CDH23: variants seen among roughly 807,000 people sequenced by gnomAD.
The protein encoded by CDH23 is cadherin-23.
CDH23 carries 189 observed loss-of-function variants against 317.1 expected under a neutral mutation model. That is an observed-to-expected ratio of 0.60 (90% confidence interval 0.53 to 0.67). CDH23 has a LOEUF of 0.67. CDH23 is among the 30% of genes least tolerant of loss of function. The pLI is 0.00. For synonymous variants in CDH23, 1,839 were observed against 1,876.8 expected (o/e 0.98, Z 0.52); for missense variants, 4,401 against 4,592.4 (o/e 0.96, Z 1.20).
At chr10:71,580,350 A>C (rs895565866) in intron 9 of CDH23, among the ~76,000 whole-genome samples, 26 of 152,238 alleles carry the variant, frequency 1.7e-4, no homozygotes, top group African/African-American at 6.3e-4. Flanking sequence ...AGGGAGACCC[A>C]GGATTTGAAA....
At chr10:71,569,487 C>T (rs1025487183) in intron 7 of CDH23, among the ~76,000 whole-genome samples, 1 of 152,220 alleles carries the variant, frequency 6.6e-6, no homozygotes, top group East Asian at 1.9e-4. Flanking sequence ...TTCACTTGAG[C>T]CCCTTCATCT....
Position 71,679,443 on chromosome 10 carries a change from A to C in CDH23, c.1809A>C (p.Ala603=). ...NNQITYSIVS[A]SAFGSYFDIS... ...AGATCACCTACAGCATTGTCAGTGCATCTGCCTTTGGCAGCTACTTCGACA... is the reference window on the plus strand; with the variant it reads ...AGATCACCTACAGCATTGTCAGTGCCTCTGCCTTTGGCAGCTACTTCGACA... The change falls in exon 17 of 70, where the codon GCA becomes GCC. Residue 603 remains alanine, a synonymous_variant. Coordinates refer to ENST00000224721, the MANE Select transcript of CDH23 (RefSeq NM_022124.6). 1 of 1,613,644 alleles carries C rather than the reference A, an allele frequency of 6.2e-7. No individual in the cohort carries two copies. The highest frequency in any genetic ancestry group is 8.5e-7 in the Non-Finnish European group (1 of 1,179,728).
chr10:71,799,992 A>G (rs1231237298), intron 52 of CDH23, among the ~76,000 whole-genome samples: 4 of 152,252 alleles, frequency 2.6e-5, no homozygotes, highest in African/African-American at 7.2e-5. Flanking sequence ...AAGTGGGCAC[A>G]GTGTCTGAGC....
rs117016832 is a variant in CDH23 at position 71,439,711 on chromosome 10, C to T, written c.-5-116C>T. The T allele has an allele frequency of 7.6e-3, 5,397 of 709,644 alleles. 35 individuals carry two copies. Among genetic ancestry groups the T allele is most frequent in the Middle Eastern group, 0.018 (75 of 4,146 alleles). The allele number at this position is 709,644 out of a possible 1,614,324, so 44.0% of individuals were successfully genotyped here. ...AACCCTCCATCTGGGTTGATTCCTTCTCCTCCCTTCCCAGCCCCAGTTCTC... is the reference window on the plus strand; with the variant it reads ...AACCCTCCATCTGGGTTGATTCCTTTTCCTCCCTTCCCAGCCCCAGTTCTC... On this transcript the variant is annotated intron_variant, in intron 1 of 69. Coordinates refer to ENST00000224721, the MANE Select transcript of CDH23 (RefSeq NM_022124.6).
In CDH23 at chr10:71,569,550, C is replaced by T. The variant is rs566774818; in HGVS notation, c.625-1240C>T. On this transcript the variant is annotated intron_variant, in intron 7 of 69. Transcript: ENST00000224721. ...GGGAAAAAGAACTCATTTGAGGTTA[C>T]TCAGCAAATTAAGAGACCGAACTGA... is the stretch of plus-strand genomic sequence containing the variant. Among the ~76,000 whole-genome samples, 179 of 152,336 alleles carry T rather than the reference C, an allele frequency of 1.2e-3. 5 individuals are homozygous for T. The South Asian group carries it at 0.035, about 30-fold the overall frequency.
chr10:71,510,303 T>G (rs1179844934), intron 4 of CDH23, 79 bp downstream of exon 4: 1 of 1,511,730 alleles, frequency 6.6e-7, no homozygotes, highest in African/African-American at 1.4e-5. Context: ...GCCCGCCATC[T>G]TTTGGCGTCT....
Position 71,751,246 on chromosome 10 carries a change from A to G in CDH23, c.4845+9325A>G. On this transcript the variant is annotated intron_variant, in intron 38 of 69. Coordinates refer to ENST00000224721, the MANE Select transcript of CDH23 (RefSeq NM_022124.6). This position sits in a 1 kb window ranked among gnomAD's most constrained non-coding sequence, Gnocchi z 4.9. ...CAGCCACAACAGCCCACTGTCCCCC[A>G]GCTGGGCTAGATGACCTCAAAGTTT... is the stretch of plus-strand genomic sequence containing the variant. 1 of 1,607,628 alleles carries G rather than the reference A, an allele frequency of 6.2e-7. No individual in the cohort carries two copies. Among genetic ancestry groups the G allele is most frequent in the South Asian group, 1.1e-5 (1 of 89,866 alleles).
chr10:71,662,967 C>T (rs1027048334), intron 14 of CDH23, among the ~76,000 whole-genome samples: 2 of 152,240 alleles, frequency 1.3e-5, no homozygotes, highest in Admixed American at 6.5e-5. Flanking sequence ...GGGCCTGTGG[C>T]TGCAGAACTC....
At chr10:71,561,131 T>A (rs1857108373) in intron 6 of CDH23, among the ~76,000 whole-genome samples, 1 of 152,120 alleles carries the variant, frequency 6.6e-6, no homozygotes, top group Non-Finnish European at 1.5e-5. Context: ...CTAGAATGTC[T>A]CTTTTTTTTC....
chr10:71,744,472 G>A (rs1208406566), intron 38 of CDH23, among the ~76,000 whole-genome samples: 4 of 152,232 alleles, frequency 2.6e-5, no homozygotes, highest in Admixed American at 2.0e-4. Context: ...CACCCAGAAT[G>A]CATGGGCCAC....
chr10:71,474,061 C>G (rs1458979644), intron 3 of CDH23, among the ~76,000 whole-genome samples: 1 of 152,208 alleles, frequency 6.6e-6, no homozygotes, highest in Non-Finnish European at 1.5e-5. Flanking sequence ...TGGCACTGCT[C>G]TCATGCCAGG....
At chr10:71,436,672 G>A (rs963973997) in intron 1 of CDH23, among the ~76,000 whole-genome samples, 12 of 152,264 alleles carry the variant, frequency 7.9e-5, no homozygotes, top group African/African-American at 2.9e-4. Flanking sequence ...TTGGCCTGTG[G>A]GATTGCCTAA....
intron 53 of CDH23, among the ~76,000 whole-genome samples, chr10:71,801,018 C>A (rs1446921927): frequency 5.9e-5 from 9 of 152,180 alleles, no homozygotes; most frequent in Non-Finnish European, 1.3e-4. Flanking sequence ...GCTAAACATA[C>A]CTGGGTGTAA....
At chr10:71,737,717 C>A (rs1461174363) in intron 34 of CDH23, 3 of 470,906 alleles carry the variant, frequency 6.4e-6, no homozygotes, top group Non-Finnish European at 1.3e-5. Flanking sequence ...CATCAGTGAA[C>A]CCCTGGGTAC....
chr10:71,791,385 G>A (rs191511815), intron 47 of CDH23, 50 bp downstream of exon 47: 20 of 1,524,748 alleles, frequency 1.3e-5, no homozygotes, highest in Non-Finnish European at 1.7e-5. Flanking sequence ...CCGGTTGGTG[G>A]TCACAGGGGA....
intron 14 of CDH23, among the ~76,000 whole-genome samples, chr10:71,653,124 C>G (rs1863255657): frequency 6.6e-6 from 1 of 152,140 alleles, no homozygotes; most frequent in African/African-American, 2.4e-5. Context: ...AGCTAACTGG[C>G]TTTTCCTCCT....
rs145384879 is a variant in CDH23 at position 71,452,307 on chromosome 10, T to TG, written c.145+5914dup. Among the ~76,000 whole-genome samples the TG allele has an allele frequency of 2.4e-3, 361 of 152,234 alleles. 1 individual carries two copies. Among genetic ancestry groups the TG allele is most frequent in the African/African-American group, 8.3e-3 (346 of 41,542 alleles). On this transcript the variant is annotated intron_variant, in intron 3 of 69. Coordinates refer to ENST00000224721, the MANE Select transcript of CDH23 (RefSeq NM_022124.6). ...GCCACCACCTTCATACCCCATGCCC[T>TG]GGAGGGGGGCAGGGTTCCTGCCACA...
intron 1 of CDH23, among the ~76,000 whole-genome samples, chr10:71,421,764 G>C (rs1322591749): frequency 2.0e-5 from 3 of 152,154 alleles, no homozygotes; most frequent in Non-Finnish European, 4.4e-5. Context: ...TACTGGGGAA[G>C]GGCAGGAGGG....
chr10:71,397,452 C>G lies in CDH23; in HGVS notation c.-6+134C>G, dbSNP rs1333397637. On this transcript the variant is annotated intron_variant, in intron 1 of 69. Transcript: ENST00000224721. This position sits in a 1 kb window ranked among gnomAD's most constrained non-coding sequence, Gnocchi z 4.8. ...ACTTGTTCCCAGCGCGGCCATCGCCCGTGGCGGGCGCTCGCGGCATCCTTC... is the reference window on the plus strand; with the variant it reads ...ACTTGTTCCCAGCGCGGCCATCGCCGGTGGCGGGCGCTCGCGGCATCCTTC... 1 of 151,678 alleles carries G rather than the reference C, an allele frequency of 6.6e-6. No homozygotes were observed. Among genetic ancestry groups the G allele is most frequent in the East Asian group, 2.0e-4 (1 of 5,030 alleles). The allele number at this position is 151,678 out of a possible 1,614,324, so 9.4% of individuals were successfully genotyped here.
Sources: allele counts gnomAD v4.1 joint callset (sites outside exome capture counted in the v4.1 genomes callset), GRCh38; gene constraint gnomAD v4.1.1; non-coding constraint Gnocchi (gnomAD v3.1); transcripts MANE v1.5; gene names NCBI Gene and HGNC (gene_info 2026-07-23, HGNC 2026-07-21).